Variants in CD58 observed in about 807,000 individuals in gnomAD.
CD58 encodes lymphocyte function-associated antigen 3.
A neutral mutation model predicts 27.6 loss-of-function variants in CD58; 14 were observed. The ratio of observed to expected loss-of-function variants is 0.51; its 90% CI spans 0.34 to 0.79. CD58 has a LOEUF of 0.79. CD58 is among the 30% of genes least tolerant of loss of function. The pLI is 0.02. For synonymous variants in CD58, 117 were observed against 103.8 expected (o/e 1.13, Z -0.77); for missense variants, 268 against 301.7 (o/e 0.89, Z 0.83).
At chr1:116,558,009 C>T (rs188538817) in intron 1 of CD58, among the ~76,000 whole-genome samples, 13 of 152,050 alleles carry the variant, frequency 8.5e-5, no homozygotes, top group Non-Finnish European at 1.8e-4. Flanking sequence ...ATCACTCTTC[C>T]GGGATTTGAA....
rs188119270 is a variant in CD58 at position 116,564,031 on chromosome 1, C to G, written c.70+6872G>C. On this transcript the variant is annotated intron_variant, in intron 1 of 5. Transcript: ENST00000369489. ...TTTAAACATAAGTTCCAATTCCAAA[C>G]CACATCTTTGTGAACATATAAAACT... Among the ~76,000 whole-genome samples the G allele has an allele frequency of 3.4e-4, 52 of 152,330 alleles. 1 individual carries two copies. Among genetic ancestry groups the G allele is most frequent in the Admixed American group, 1.1e-3 (17 of 15,298 alleles).
In CD58 at chr1:116,559,350, G is replaced by T. The variant is rs2101220071; in HGVS notation, c.70+11553C>A. Among the ~76,000 whole-genome samples, 1 of 152,298 alleles carries T rather than the reference G, an allele frequency of 6.6e-6. No individual in the cohort carries two copies. ...GCACCAGGCTACAGATGAAGAAATG[G>T]ACTGAGAGGGTCAGCTGACTGCATT... On this transcript the variant is annotated intron_variant, in intron 1 of 5. Transcript: ENST00000369489. This position sits in a 1 kb window ranked among gnomAD's most constrained non-coding sequence, Gnocchi z 4.4.
At chr1:116,533,852 C>CT in intron 3 of CD58, 7 of 876,008 alleles carry the variant, frequency 8.0e-6, no homozygotes, top group South Asian at 5.3e-5. Flanking sequence ...AACTTGGCTT[C>CT]TATATGAGCG....
At chr1:116,514,918 C>G in intron 5 of CD58, 96 bp from the exon 6 acceptor site, 1 of 831,408 alleles carries the variant, frequency 1.2e-6, no homozygotes, top group Non-Finnish European at 2.0e-6. Flanking sequence ...AAGTGAATAG[C>G]CCTTTTGTAA....
rs1659092601 is a variant in CD58, at chr1:116,570,200, A to G, written c.70+703T>C. Among the ~76,000 whole-genome samples the G allele has an allele frequency of 6.6e-6, 1 of 152,168 alleles. No homozygotes were observed. Among genetic ancestry groups the G allele is most frequent in the Admixed American group, 6.5e-5 (1 of 15,272 alleles). On this transcript the variant is annotated intron_variant, in intron 1 of 5. Coordinates refer to ENST00000369489, the MANE Select transcript of CD58 (RefSeq NM_001779.3). The surrounding 1 kb of genome is among the most constrained non-coding windows in gnomAD (Gnocchi z 6.4). ...AGGAGGATGGGGAGGCAAAATGGGAAGAAGGGGACCTATTTCCTGAGGTTG... is the reference window on the plus strand; with the variant it reads ...AGGAGGATGGGGAGGCAAAATGGGAGGAAGGGGACCTATTTCCTGAGGTTG...
At chr1:116,547,595 C>T (rs1441987006) in intron 1 of CD58, among the ~76,000 whole-genome samples, 10 of 152,184 alleles carry the variant, frequency 6.6e-5, no homozygotes, top group Admixed American at 6.5e-4. Flanking sequence ...TCCCAAAGTG[C>T]TGGGATTACA....
intron 1 of CD58, among the ~76,000 whole-genome samples, chr1:116,545,639 C>T (rs1026395000): frequency 2.0e-5 from 3 of 152,116 alleles, no homozygotes; most frequent in African/African-American, 7.2e-5. Context: ...ATTAAGAACT[C>T]AGGGATTGGG....
rs905235376 is a variant in CD58 at position 116,527,172 on chromosome 1, T to C, written c.629-5189A>G. 6.6e-6 allele frequency among the ~76,000 whole-genome samples: 1 copy of C among 152,210 alleles called. No homozygotes were observed. The highest frequency in any genetic ancestry group is 6.5e-5 in the Admixed American group (1 of 15,288). The stretch of plus-strand genomic sequence containing the variant: ...CTCATCTGTATAACTTTTATTTCCT[T>C]TTCTTGTCTTATGGCATTAGTTAGT... On this transcript the variant is annotated intron_variant, in intron 3 of 5. Transcript: ENST00000369489. The surrounding 1 kb of genome is among the most constrained non-coding windows in gnomAD (Gnocchi z 4.4).
At position 116,524,734 on chromosome 1, in the gene CD58, A is replaced by C. The variant is rs1361934510; in HGVS notation, c.629-2751T>G. Among the ~76,000 whole-genome samples, 3 of 152,242 alleles carry C rather than the reference A, an allele frequency of 2.0e-5. No homozygotes were observed. The highest frequency in any genetic ancestry group is 4.4e-5 in the Non-Finnish European group (3 of 68,034). ...AAATACCAGCATTACTGCTAACTAC[A>C]TAATTACTTAAAACATTACAATTTT... On this transcript the variant is annotated intron_variant, in intron 3 of 5. Transcript: ENST00000369489. This position sits in a 1 kb window ranked among gnomAD's most constrained non-coding sequence, Gnocchi z 4.6.
rs889686101 is a variant in CD58 at position 116,563,279 on chromosome 1, G to T, written c.70+7624C>A. Among the ~76,000 whole-genome samples, 3 of 152,040 alleles carry T rather than the reference G, an allele frequency of 2.0e-5. No homozygotes were observed. The highest frequency in any genetic ancestry group is 2.9e-5 in the Non-Finnish European group (2 of 68,018). On this transcript the variant is annotated intron_variant, in intron 1 of 5. Coordinates refer to ENST00000369489, the MANE Select transcript of CD58 (RefSeq NM_001779.3). This position sits in a 1 kb window ranked among gnomAD's most constrained non-coding sequence, Gnocchi z 4.1. ...GCAGCTCTTCCCCTGTGGCTTTGCAGGGTACAGCCATCCTCCTGGCTGCTT... is the reference window on the plus strand; with the variant it reads ...GCAGCTCTTCCCCTGTGGCTTTGCATGGTACAGCCATCCTCCTGGCTGCTT...
At position 116,538,284 on chromosome 1, in the gene CD58, T is replaced by C. The variant is rs1240717017; in HGVS notation, c.365-2056A>G. ...TCCAATGGATAAGAAGTTGCTCTAGTTGACTCAAAATTGAAAGCCTAGAGC... is the reference window on the plus strand; with the variant it reads ...TCCAATGGATAAGAAGTTGCTCTAGCTGACTCAAAATTGAAAGCCTAGAGC... On this transcript the variant is annotated intron_variant, in intron 2 of 5. Coordinates refer to ENST00000369489, the MANE Select transcript of CD58 (RefSeq NM_001779.3). This position sits in a 1 kb window ranked among gnomAD's most constrained non-coding sequence, Gnocchi z 4.7. 1.3e-5 allele frequency among the ~76,000 whole-genome samples: 2 copies of C among 152,226 alleles called. No homozygotes were observed. The highest frequency in any genetic ancestry group is 2.4e-5 in the African/African-American group (1 of 41,454).
chr1:116,547,520 G>T (rs543718249), intron 1 of CD58, among the ~76,000 whole-genome samples: 2 of 151,616 alleles, frequency 1.3e-5, no homozygotes, highest in African/African-American at 4.9e-5. Flanking sequence ...TAGTAAAGAC[G>T]GGGTTTCACC....
In CD58 at chr1:116,519,397, T is replaced by G; in HGVS notation, c.707-130A>C. ...AGAGCCCCATCACCCTGGGATTTCC[T>G]GCTATCCTATATGCTTTAAATCAAA... On this transcript the variant is annotated intron_variant, in intron 4 of 5. Transcript: ENST00000369489. This position sits in a 1 kb window ranked among gnomAD's most constrained non-coding sequence, Gnocchi z 4.7. 1.3e-6 allele frequency: 1 copy of G among 793,606 alleles called. No individual in the cohort carries two copies. The highest frequency in any genetic ancestry group is 2.1e-6 in the Non-Finnish European group (1 of 468,490). The allele number at this position is 793,606 out of a possible 1,614,324, so 49.2% of individuals were successfully genotyped here.
At position 116,532,857 on chromosome 1, in the gene CD58, G is replaced by A. The variant is rs1001749041; in HGVS notation, c.628+3108C>T. ...TAAGCGCTGTCGACGGGATTGTGCCGCATGCGGCAAAGACTGAGGCCTCCC... is the reference window on the plus strand; with the variant it reads ...TAAGCGCTGTCGACGGGATTGTGCCACATGCGGCAAAGACTGAGGCCTCCC... On this transcript the variant is annotated intron_variant, in intron 3 of 5. Transcript: ENST00000369489. This position sits in a 1 kb window ranked among gnomAD's most constrained non-coding sequence, Gnocchi z 5.1. The A allele has an allele frequency of 6.4e-6, 4 of 629,750 alleles. No homozygotes were observed. The highest frequency in any genetic ancestry group is 1.1e-5 in the Non-Finnish European group (4 of 350,762). The allele number at this position is 629,750 out of a possible 1,614,324, so 39.0% of individuals were successfully genotyped here.
At chr1:116,560,157 T>C (rs1658710560) in intron 1 of CD58, 1 of 152,230 alleles carries the variant, frequency 6.6e-6, no homozygotes, top group Non-Finnish European at 1.5e-5. Context: ...AACTAAAATA[T>C]ATTATTAAAA....
Position 116,531,111 on chromosome 1 carries a change from G to A in CD58, c.628+4854C>T, listed in dbSNP as rs989620186. 6.6e-6 allele frequency among the ~76,000 whole-genome samples: 1 copy of A among 152,098 alleles called. No individual in the cohort carries two copies. Among genetic ancestry groups the A allele is most frequent in the African/African-American group, 2.4e-5 (1 of 41,410 alleles). ...AATAGTACTTATTTCAAATCAATAA[G>A]AGGAATATCATTCCTCTTATGATCT... is the stretch of plus-strand genomic sequence containing the variant. On this transcript the variant is annotated intron_variant, in intron 3 of 5. Transcript: ENST00000369489. The surrounding 1 kb of genome is among the most constrained non-coding windows in gnomAD (Gnocchi z 4.5).
At chr1:116,561,762 C>T (rs1229864913) in intron 1 of CD58, among the ~76,000 whole-genome samples, 2 of 152,180 alleles carry the variant, frequency 1.3e-5, no homozygotes, top group African/African-American at 4.8e-5. Flanking sequence ...TTCAAGTTCA[C>T]TCTGCCACTT....
At chr1:116,556,069 A>G (rs982704133) in intron 1 of CD58, among the ~76,000 whole-genome samples, 8 of 152,086 alleles carry the variant, frequency 5.3e-5, no homozygotes, top group Admixed American at 3.3e-4. Flanking sequence ...CAGCCTGGCC[A>G]ACATGGTGAA....
At position 116,517,367 on chromosome 1, in the gene CD58, G is replaced by A. The variant is rs1657112614; in HGVS notation, c.743+1864C>T. Among the ~76,000 whole-genome samples, 1 of 152,142 alleles carries A rather than the reference G, an allele frequency of 6.6e-6. No individual in the cohort carries two copies. The highest frequency in any genetic ancestry group is 2.4e-5 in the African/African-American group (1 of 41,430). On this transcript the variant is annotated intron_variant, in intron 5 of 5. Coordinates refer to ENST00000369489, the MANE Select transcript of CD58 (RefSeq NM_001779.3). The surrounding 1 kb of genome is among the most constrained non-coding windows in gnomAD (Gnocchi z 6.5). ...GCTTGGGTCTGTGGCCGGCTGAGCT[G>A]CCCCTTGTACTTCCTTGCCCCCAGG...
Sources: allele counts gnomAD v4.1 joint callset (sites outside exome capture counted in the v4.1 genomes callset), GRCh38; gene constraint gnomAD v4.1.1; non-coding constraint Gnocchi (gnomAD v3.1); transcripts MANE v1.5; gene names NCBI Gene and HGNC (gene_info 2026-07-23, HGNC 2026-07-21).